AFF4: variants seen among roughly 807,000 people sequenced by gnomAD.
AFF4 encodes the protein AF4/FMR2 family member 4.
In AFF4, 13 loss-of-function variants were observed where a neutral mutation model predicts 124.8. The ratio of observed to expected loss-of-function variants is 0.10; its 90% CI spans 0.07 to 0.17. The LOEUF (loss-of-function observed/expected upper bound fraction) is 0.17. AFF4 is among the 10% of genes least tolerant of loss of function. The probability of loss-of-function intolerance (pLI) is 1.00; values close to 1 mark genes in which losing one functional copy is unlikely to be tolerated. For synonymous variants in AFF4, 477 were observed against 496.1 expected (o/e 0.96, Z 0.51); for missense variants, 1,092 against 1,403.8 (o/e 0.78, Z 3.55).
chr5:132,932,190 A>G lies in AFF4; in HGVS notation c.951T>C (p.Asp317=). The change falls in exon 4 of 21, where the codon GAT becomes GAC. Residue 317 remains aspartate (D), a synonymous_variant. Coordinates refer to ENST00000265343, the MANE Select transcript of AFF4 (RefSeq NM_014423.4). ...ASASGDVSCV[D]EILKEMTHSW... Reference sequence around the variant, plus strand: ...TTAAAAAACTTACTTTTAGGATTTCATCCACACAGCTCACATCACCAGAAG... The same window carrying G: ...TTAAAAAACTTACTTTTAGGATTTCGTCCACACAGCTCACATCACCAGAAG... 1.9e-6 allele frequency: 3 copies of G among 1,601,278 alleles called. No individual in the cohort carries two copies. Among genetic ancestry groups the G allele is most frequent in the Non-Finnish European group, 1.7e-6 (2 of 1,175,034 alleles).
chr5:132,911,650 C>T (rs1281907685), intron 5 of AFF4, among the ~76,000 whole-genome samples: 1 of 150,480 alleles, frequency 6.6e-6, no homozygotes, highest in Non-Finnish European at 1.5e-5. Flanking sequence ...TCCTTGAAGA[C>T]GACGACAAAA....
Position 132,963,578 on chromosome 5 carries a change from C to A in AFF4, c.-324G>T. 1 of 397,804 alleles carries A rather than the reference C, an allele frequency of 2.5e-6. No homozygotes were observed. Among genetic ancestry groups the A allele is most frequent in the South Asian group, 1.3e-4 (1 of 7,824 alleles). 24.6% of individuals were successfully genotyped at this position (397,804 alleles called of 1,614,324 possible). On this transcript the variant is annotated 5_prime_UTR_variant, in exon 1 of 21. Coordinates refer to ENST00000265343, the MANE Select transcript of AFF4 (RefSeq NM_014423.4). Reference sequence around the variant, plus strand: ...AAGACCTGGCACCAGGATCCCCGCCCCGTCCGCTGGCGGCGGCGACGGCAG... The same window carrying A: ...AAGACCTGGCACCAGGATCCCCGCCACGTCCGCTGGCGGCGGCGACGGCAG...
chr5:132,875,862 T>G lies in AFF4; in HGVS notation c.*5197A>C, dbSNP rs916726949. ...GATAAAAGAAATGTAAAACAAAGATTTGGTTCATGTACAAAACAAAGGCAT... is the reference window on the plus strand; with the variant it reads ...GATAAAAGAAATGTAAAACAAAGATGTGGTTCATGTACAAAACAAAGGCAT... On this transcript the variant is annotated 3_prime_UTR_variant, in exon 21 of 21. Coordinates refer to ENST00000265343, the MANE Select transcript of AFF4 (RefSeq NM_014423.4). The G allele has an allele frequency of 2.7e-5, 6 of 221,920 alleles. No homozygotes were observed. Among genetic ancestry groups the G allele is most frequent in the African/African-American group, 1.3e-4 (6 of 44,684 alleles). The allele number at this position is 221,920 out of a possible 1,614,324, so 13.7% of individuals were successfully genotyped here.
intron 5 of AFF4, among the ~76,000 whole-genome samples, chr5:132,905,503 T>G (rs1415353738): frequency 6.6e-6 from 1 of 152,182 alleles, no homozygotes; most frequent in African/African-American, 2.4e-5. Context: ...TTAAAAAACA[T>G]TAAAAACCTA....
At chr5:132,962,728 G>T (rs1762107093) in intron 1 of AFF4, among the ~76,000 whole-genome samples, 1 of 151,626 alleles carries the variant, frequency 6.6e-6, no homozygotes, top group African/African-American at 2.4e-5. Flanking sequence ...GTAGGGGAGG[G>T]TATTCGAGTA....
At chr5:132,921,301 C>T (rs754823869) in intron 5 of AFF4, among the ~76,000 whole-genome samples, 3 of 151,960 alleles carry the variant, frequency 2.0e-5, no homozygotes, top group Non-Finnish European at 2.9e-5. Flanking sequence ...AAATTGAAAT[C>T]ACAATGAGGT....
intron 1 of AFF4, chr5:132,948,450 A>T (rs990428643): frequency 2.6e-5 from 4 of 152,406 alleles, no homozygotes; most frequent in South Asian, 2.1e-4. Flanking sequence ...AAAAAACAAT[A>T]CTAAAAATCA....
intron 13 of AFF4, among the ~76,000 whole-genome samples, chr5:132,890,912 G>A (rs1013982120): frequency 3.9e-4 from 60 of 151,966 alleles, no homozygotes; most frequent in African/African-American, 1.4e-3. Flanking sequence ...CCTTTCTTAC[G>A]TGTGATAGAA....
At chr5:132,963,146 G>A in intron 1 of AFF4, 113 bp downstream of exon 1, 1 of 363,646 alleles carries the variant, frequency 2.7e-6, no homozygotes, top group Non-Finnish European at 4.9e-6. Context: ...CCCCAGCCCG[G>A]AGGGTCTCCC....
chr5:132,906,959 T>C (rs773838158), intron 5 of AFF4, among the ~76,000 whole-genome samples: 4 of 152,116 alleles, frequency 2.6e-5, no homozygotes, highest in East Asian at 1.9e-4. Flanking sequence ...TAAAATAAAA[T>C]GAAGATTCCT....
chr5:132,917,514 C>T (rs1010284305), intron 5 of AFF4, among the ~76,000 whole-genome samples: 4 of 151,938 alleles, frequency 2.6e-5, no homozygotes, highest in African/African-American at 7.3e-5. Flanking sequence ...GAGATTCTAC[C>T]TAGTGCAATA....
chr5:132,883,488 C>G lies in AFF4; in HGVS notation c.3216G>C (p.Gly1072=), dbSNP rs145016393. The G allele has an allele frequency of 1.2e-6, 2 of 1,613,950 alleles. No individual in the cohort carries two copies. The highest frequency in any genetic ancestry group is 1.7e-6 in the Non-Finnish European group (2 of 1,180,002). ...AACCACTTGCAGAAGCACTACTGGC[C>G]CCAGATGAATAATTTCCTGAATTGC... ...SPGNSGNYSS[G]ASSASASGSS... The change falls in exon 20 of 21, where the codon GGG becomes GGC. Residue 1072 remains glycine (G), a synonymous_variant. Coordinates refer to ENST00000265343, the MANE Select transcript of AFF4 (RefSeq NM_014423.4).
intron 1 of AFF4, among the ~76,000 whole-genome samples, chr5:132,942,621 T>G (rs1462889892): frequency 1.3e-5 from 2 of 151,184 alleles, no homozygotes; most frequent in African/African-American, 2.4e-5. Context: ...TGCGCCACCA[T>G]GCCAGGATGA....
chr5:132,882,922 T>A lies in AFF4; in HGVS notation c.3364+418A>T, dbSNP rs566110390. Among the ~76,000 whole-genome samples the A allele has an allele frequency of 5.4e-5, 8 of 148,732 alleles. No homozygotes were observed. In the South Asian group the frequency reaches 1.8e-3, roughly 33 times the overall value. On this transcript the variant is annotated intron_variant, in intron 20 of 20. Transcript: ENST00000265343. ...TTTATTTCACAGGTTTCTTCCAATATACCTAAAAATCCAGTATGAGCATGC... is the reference window on the plus strand; with the variant it reads ...TTTATTTCACAGGTTTCTTCCAATAAACCTAAAAATCCAGTATGAGCATGC...
intron 2 of AFF4, among the ~76,000 whole-genome samples, chr5:132,936,819 T>C (rs1250275104): frequency 6.6e-6 from 1 of 152,184 alleles, no homozygotes; most frequent in Non-Finnish European, 1.5e-5. Flanking sequence ...ATCTGAGTTG[T>C]ATGAAGCTGT....
chr5:132,935,377 G>A lies in AFF4; in HGVS notation c.124-436C>T, dbSNP rs186388533. ...GCAGTGGCTCACACCTGTAATCCCA[G>A]CACTTTGGGAGGCCAAGACGGACAG... On this transcript the variant is annotated intron_variant, in intron 2 of 20. Transcript: ENST00000265343. Among the ~76,000 whole-genome samples the A allele has an allele frequency of 5.3e-3, 810 of 152,338 alleles. 4 individuals are homozygous for A. Among genetic ancestry groups the A allele is most frequent in the Middle Eastern group, 0.027 (8 of 294 alleles).
intron 2 of AFF4, 114 bp downstream of exon 2, chr5:132,936,953 G>A (rs1462413199): frequency 1.5e-6 from 2 of 1,354,936 alleles, no homozygotes; most frequent in Non-Finnish European, 2.0e-6. Context: ...GGAAAAAAAT[G>A]TTAAGTGGTA....
At chr5:132,933,594 C>G (rs985973894) in intron 3 of AFF4, among the ~76,000 whole-genome samples, 1 of 152,052 alleles carries the variant, frequency 6.6e-6, no homozygotes, top group African/African-American at 2.4e-5. Flanking sequence ...TTCCAAAATG[C>G]TTTGGTAAGC....
chr5:132,933,877 G>A (rs1372989599), intron 3 of AFF4, among the ~76,000 whole-genome samples: 2 of 152,144 alleles, frequency 1.3e-5, no homozygotes, highest in Non-Finnish European at 2.9e-5. Flanking sequence ...ATATCAATTA[G>A]TCATTCTTTT....
Sources: allele counts gnomAD v4.1 joint callset (sites outside exome capture counted in the v4.1 genomes callset), GRCh38; gene constraint gnomAD v4.1.1; transcripts MANE v1.5; gene names NCBI Gene and HGNC (gene_info 2026-07-23, HGNC 2026-07-21).